Variants in DOCK4 observed in about 807,000 individuals in gnomAD.
DOCK4 encodes dedicator of cytokinesis 4.
A neutral mutation model predicts 268.1 loss-of-function variants in DOCK4; 97 were observed. That is an observed-to-expected ratio of 0.36 (90% CI 0.31 to 0.43). The LOEUF is 0.43. Ranked by LOEUF, DOCK4 falls within the 20% of genes least tolerant of loss-of-function variation. The pLI, the probability that DOCK4 is intolerant of heterozygous loss-of-function variation, is 1.00. For synonymous variants in DOCK4, 954 were observed against 887.2 expected, an observed-to-expected ratio of 1.08 and a Z score of -1.34; for missense variants, 2,145 against 2,455.7, an observed-to-expected ratio of 0.87 and a Z score of 2.67.
chr7:112,134,797 G>T (rs1433994255), intron 1 of DOCK4, among the ~76,000 whole-genome samples: 1 of 138,862 alleles, frequency 7.2e-6, no homozygotes, highest in Non-Finnish European at 1.7e-5. Flanking sequence ...AAAATTATAA[G>T]TATATCAAGG....
intron 30 of DOCK4, among the ~76,000 whole-genome samples, chr7:111,803,185 T>C (rs1800430707): frequency 6.6e-6 from 1 of 152,206 alleles, no homozygotes; most frequent in Non-Finnish European, 1.5e-5. Flanking sequence ...AAGCCACACC[T>C]ACATTTAAGT....
chr7:111,766,973 T>C (rs1443509086), intron 38 of DOCK4, 59 bp downstream of exon 38: 8 of 1,355,768 alleles, frequency 5.9e-6, no homozygotes, highest in Non-Finnish European at 3.1e-6. Context: ...AGAACCACAC[T>C]GGAAAGCTAA....
chr7:112,189,384 T>A (rs1819728604), intron 1 of DOCK4, among the ~76,000 whole-genome samples: 1 of 152,122 alleles, frequency 6.6e-6, no homozygotes, highest in African/African-American at 2.4e-5. Context: ...TAAAAATGCC[T>A]AAGATCCAGT....
intron 20 of DOCK4, among the ~76,000 whole-genome samples, chr7:111,871,084 A>G (rs1308214491): frequency 2.0e-5 from 3 of 152,240 alleles, no homozygotes; most frequent in Admixed American, 6.5e-5. Flanking sequence ...ACAGGATCAA[A>G]TGCTTATCTG....
intron 25 of DOCK4, among the ~76,000 whole-genome samples, chr7:111,843,716 TTTC>T (rs990361462): frequency 5.9e-5 from 9 of 152,206 alleles, no homozygotes; most frequent in Non-Finnish European, 1.0e-4. Context: ...AGATGTATTA[TTTC>T]TTAATATTAT....
intron 48 of DOCK4, 39 bp from the exon 49 acceptor site, chr7:111,739,282 G>A (rs767075249): frequency 6.3e-7 from 1 of 1,597,820 alleles, no homozygotes; most frequent in South Asian, 1.1e-5. Flanking sequence ...CAGCATGGTA[G>A]TGGTGCTGCA....
At chr7:112,043,838 A>G (rs1804610190) in intron 1 of DOCK4, among the ~76,000 whole-genome samples, 1 of 152,048 alleles carries the variant, frequency 6.6e-6, no homozygotes, top group African/African-American at 2.4e-5. Flanking sequence ...AGAATCTTAA[A>G]GAGGAAGCAA....
chr7:111,883,942 G>A (rs769351745), intron 16 of DOCK4, among the ~76,000 whole-genome samples: 25 of 152,172 alleles, frequency 1.6e-4, no homozygotes, highest in Middle Eastern at 3.2e-3. Context: ...ACTGGGGTGT[G>A]TGTAAGAGAG....
chr7:112,179,026 T>G (rs1446477440), intron 1 of DOCK4, among the ~76,000 whole-genome samples: 1 of 152,242 alleles, frequency 6.6e-6, no homozygotes, highest in African/African-American at 2.4e-5. Context: ...TGTTTGAGCT[T>G]AGCCAATTCC....
At chr7:112,180,117 T>C (rs1250621483) in intron 1 of DOCK4, among the ~76,000 whole-genome samples, 1 of 152,178 alleles carries the variant, frequency 6.6e-6, no homozygotes, top group Non-Finnish European at 1.5e-5. Context: ...TAGCTGTCAG[T>C]ACCATGTAGG....
intron 16 of DOCK4, among the ~76,000 whole-genome samples, chr7:111,882,457 ACGCT>A (rs1807470912): frequency 6.6e-6 from 1 of 152,228 alleles, no homozygotes; most frequent in African/African-American, 2.4e-5. Flanking sequence ...TACAGCTGGT[ACGCT>A]CAGATGATTC....
At chr7:112,055,027 T>C (rs913881411) in intron 1 of DOCK4, among the ~76,000 whole-genome samples, 11 of 152,356 alleles carry the variant, frequency 7.2e-5, no homozygotes, top group African/African-American at 2.4e-4. Flanking sequence ...CATGTATTTC[T>C]ACATACAGTC....
At chr7:112,135,570 C>A (rs865841242) in intron 1 of DOCK4, among the ~76,000 whole-genome samples, 36 of 152,054 alleles carry the variant, frequency 2.4e-4, no homozygotes, top group Admixed American at 1.9e-3. Flanking sequence ...AGAAAGCCAT[C>A]AATCCAAGCA....
chr7:112,076,274 T>G (rs1312614963), intron 1 of DOCK4, among the ~76,000 whole-genome samples: 1 of 152,022 alleles, frequency 6.6e-6, no homozygotes, highest in African/African-American at 2.4e-5. Flanking sequence ...TTTGCTGGTT[T>G]GAGTTAACTA....
At chr7:111,744,689 T>C (rs2133460839) in intron 44 of DOCK4, among the ~76,000 whole-genome samples, 1 of 152,330 alleles carries the variant, frequency 6.6e-6, no homozygotes, top group African/African-American at 2.4e-5. Flanking sequence ...TAAAAATCAA[T>C]GAAGGTTAAA....
intron 1 of DOCK4, among the ~76,000 whole-genome samples, chr7:112,144,976 T>C (rs1421029365): frequency 2.0e-5 from 3 of 152,156 alleles, no homozygotes; most frequent in Non-Finnish European, 4.4e-5. Context: ...TTAGAATTTT[T>C]TAAAGTACTA....
intron 1 of DOCK4, among the ~76,000 whole-genome samples, chr7:112,075,781 TA>T (rs879581634): frequency 9.6e-4 from 140 of 145,738 alleles, no homozygotes; most frequent in Admixed American, 2.0e-3. Context: ...TGTCCTTATT[TA>T]AAAAAAAAAA....
chr7:112,022,986 G>T (rs549649290), intron 1 of DOCK4, among the ~76,000 whole-genome samples: 1 of 151,922 alleles, frequency 6.6e-6, no homozygotes, highest in African/African-American at 2.4e-5. Flanking sequence ...GCGTGGTCTC[G>T]GCTCACTGCA....
intron 1 of DOCK4, among the ~76,000 whole-genome samples, chr7:112,018,177 A>C (rs60504770): frequency 0.17 from 14,392 of 82,418 alleles, 3,634 homozygotes; most frequent in Non-Finnish European, 0.27. Context: ...AAAAAAAAAA[A>C]AAACACAGGC....
Sources: gnomAD v4.1 joint callset for allele counts (sites outside exome capture counted in the v4.1 genomes callset) on GRCh38, gnomAD v4.1.1 for gene constraint, MANE v1.5 for transcripts, NCBI Gene and HGNC (gene_info 2026-07-23, HGNC 2026-07-21) for gene names.